Variants in MLLT3 observed in about 807,000 individuals in gnomAD.
MLLT3 encodes protein AF-9.
A neutral mutation model predicts 53.2 loss-of-function variants in MLLT3; 4 were observed. That is an observed-to-expected ratio of 0.08 (90% CI 0.04 to 0.17). The LOEUF (loss-of-function observed/expected upper bound fraction) is 0.17, where lower values mean the gene tolerates loss of function less well. MLLT3 is among the 10% of genes least tolerant of loss of function. The pLI, the probability that MLLT3 is intolerant of heterozygous loss-of-function variation, is 1.00. For synonymous variants in MLLT3, 283 were observed against 230.6 expected, an observed-to-expected ratio of 1.23 and a Z score of -2.06; for missense variants, 569 against 684.0, an observed-to-expected ratio of 0.83 and a Z score of 1.87.
At chr9:20,607,009 T>A (rs1820587015) in intron 2 of MLLT3, among the ~76,000 whole-genome samples, 2 of 152,102 alleles carry the variant, frequency 1.3e-5, no homozygotes. Flanking sequence ...GGTTCCTCTT[T>A]CACTGCAAAA....
chr9:20,610,047 T>C (rs182404915), intron 2 of MLLT3, among the ~76,000 whole-genome samples: 4 of 152,232 alleles, frequency 2.6e-5, no homozygotes, highest in African/African-American at 9.6e-5. Flanking sequence ...ATTTATCCTT[T>C]TTAAAACTAA....
intron 2 of MLLT3, among the ~76,000 whole-genome samples, chr9:20,534,139 GTTA>G (rs1818416675): frequency 6.6e-6 from 1 of 152,200 alleles, no homozygotes; most frequent in East Asian, 1.9e-4. Flanking sequence ...ATATTCAACA[GTTA>G]TTATACAAAA....
At chr9:20,475,902 A>C (rs975693493) in intron 2 of MLLT3, among the ~76,000 whole-genome samples, 3 of 152,166 alleles carry the variant, frequency 2.0e-5, no homozygotes, top group Non-Finnish European at 4.4e-5. Context: ...AGTTAGCAAC[A>C]AAATTGTCCT....
chr9:20,463,404 A>C (rs1241116597), intron 2 of MLLT3, among the ~76,000 whole-genome samples: 1 of 152,104 alleles, frequency 6.6e-6, no homozygotes, highest in Non-Finnish European at 1.5e-5. Flanking sequence ...ATCTTGAGGG[A>C]ATATAACAGC....
chr9:20,497,859 G>A (rs1187880260), intron 2 of MLLT3, among the ~76,000 whole-genome samples: 2 of 152,060 alleles, frequency 1.3e-5, no homozygotes, highest in African/African-American at 4.8e-5. Context: ...TGTCCTTAAT[G>A]TTTTATGAAA....
intron 2 of MLLT3, among the ~76,000 whole-genome samples, chr9:20,616,899 G>C (rs1820846262): frequency 6.6e-6 from 1 of 152,122 alleles, no homozygotes; most frequent in African/African-American, 2.4e-5. Flanking sequence ...AAATTTGCTA[G>C]GCTAAACAGT....
intron 2 of MLLT3, among the ~76,000 whole-genome samples, chr9:20,470,287 A>G (rs1824352883): frequency 6.6e-6 from 1 of 152,008 alleles, no homozygotes; most frequent in Non-Finnish European, 1.5e-5. Context: ...TTAGTAGCAA[A>G]TATTTGGGAG....
chr9:20,433,799 G>A (rs1298517739), intron 4 of MLLT3, among the ~76,000 whole-genome samples: 1 of 152,040 alleles, frequency 6.6e-6, no homozygotes, highest in Admixed American at 6.6e-5. Flanking sequence ...TATGATTGTA[G>A]ACTGGATCCT....
intron 2 of MLLT3, among the ~76,000 whole-genome samples, chr9:20,483,248 T>A (rs202030024): frequency 0.75 from 113,084 of 150,930 alleles, 42,702 homozygotes; most frequent in Middle Eastern, 0.86. Flanking sequence ...ATTATTTTTT[T>A]TTTTGAGACA....
At chr9:20,520,609 G>A (rs985516533) in intron 2 of MLLT3, among the ~76,000 whole-genome samples, 6 of 152,002 alleles carry the variant, frequency 3.9e-5, no homozygotes, top group Non-Finnish European at 7.4e-5. Flanking sequence ...GAATAACACC[G>A]CAATAAAAAC....
In MLLT3 at chr9:20,378,450, T is replaced by G. The variant is rs1821828713; in HGVS notation, c.1126-12706A>C. Among the ~76,000 whole-genome samples the G allele has an allele frequency of 2.0e-5, 3 of 152,198 alleles. No individual in the cohort carries two copies. The South Asian group carries it at 6.2e-4, about 32-fold the overall frequency. ...TTTTATAACAATCAAACTCAGAGCTTAAAAGTTTACTTTTTATATTTATAC... is the reference window on the plus strand; with the variant it reads ...TTTTATAACAATCAAACTCAGAGCTGAAAAGTTTACTTTTTATATTTATAC... On this transcript the variant is annotated intron_variant, in intron 5 of 10. Coordinates refer to ENST00000380338, the MANE Select transcript of MLLT3 (RefSeq NM_004529.4).
At chr9:20,558,927 T>C (rs139170377) in intron 2 of MLLT3, among the ~76,000 whole-genome samples, 46 of 152,330 alleles carry the variant, frequency 3.0e-4, no homozygotes, top group African/African-American at 1.0e-3. Context: ...ATCTTTCTCA[T>C]AGCTTAGTCA....
intron 2 of MLLT3, among the ~76,000 whole-genome samples, chr9:20,530,092 C>T (rs1818293466): frequency 6.6e-6 from 1 of 152,122 alleles, no homozygotes; most frequent in Non-Finnish European, 1.5e-5. Context: ...CTATACACGT[C>T]AACAGTTGGG....
chr9:20,449,137 G>A (rs1823779047), intron 3 of MLLT3, among the ~76,000 whole-genome samples: 2 of 152,050 alleles, frequency 1.3e-5, no homozygotes, highest in Admixed American at 6.6e-5. Context: ...TACTATGTAT[G>A]CATCTTTCTC....
chr9:20,529,986 C>G (rs1818291188), intron 2 of MLLT3, among the ~76,000 whole-genome samples: 1 of 152,104 alleles, frequency 6.6e-6, no homozygotes, highest in South Asian at 2.1e-4. Flanking sequence ...TTGTTTACCA[C>G]CTCCACTACT....
chr9:20,382,403 A>AG (rs1270208453), intron 5 of MLLT3: 13 of 152,078 alleles, frequency 8.5e-5, no homozygotes, highest in Admixed American at 6.6e-4. Flanking sequence ...AAAACGGTGT[A>AG]GCCCTCAGGA....
At chr9:20,442,047 A>G (rs750179244) in intron 4 of MLLT3, among the ~76,000 whole-genome samples, 5 of 152,158 alleles carry the variant, frequency 3.3e-5, no homozygotes, top group Non-Finnish European at 5.9e-5. Context: ...TTAAGTTGAA[A>G]CTGAAACACT....
chr9:20,544,366 GC>G (rs1401338361), intron 2 of MLLT3, among the ~76,000 whole-genome samples: 1 of 152,072 alleles, frequency 6.6e-6, no homozygotes, highest in African/African-American at 2.4e-5. Flanking sequence ...AAATGAAAAG[GC>G]AACCTATGAA....
intron 2 of MLLT3, among the ~76,000 whole-genome samples, chr9:20,543,266 G>A (rs1818690357): frequency 6.6e-6 from 1 of 152,198 alleles, no homozygotes; most frequent in Non-Finnish European, 1.5e-5. Context: ...GGTACAAGAG[G>A]CCTAACTTTT....
Sources: gnomAD v4.1 joint callset for allele counts (sites outside exome capture counted in the v4.1 genomes callset) on GRCh38, gnomAD v4.1.1 for gene constraint, MANE v1.5 for transcripts, NCBI Gene and HGNC (gene_info 2026-07-23, HGNC 2026-07-21) for gene names.